The following ANKRD44 variants were observed in gnomAD, a reference collection of about 807,000 sequenced individuals.
ANKRD44 encodes ankyrin repeat domain 44, also known as serine/threonine-protein phosphatase 6 regulatory ankyrin repeat subunit B.
A neutral mutation model predicts 116.0 loss-of-function variants in ANKRD44; 35 were observed. That is an observed-to-expected ratio of 0.30 (90% CI 0.23 to 0.40). The LOEUF (loss-of-function observed/expected upper bound fraction) is 0.40. Among genes scored for constraint, ANKRD44 ranks in the 10% least tolerant of loss-of-function variants. ANKRD44 has a pLI of 1.00. For synonymous variants in ANKRD44, 435 were observed against 461.8 expected, an observed-to-expected ratio of 0.94 and a Z score of 0.74; for missense variants, 1,014 against 1,242.6, an observed-to-expected ratio of 0.82 and a Z score of 2.77.
intron 16 of ANKRD44, among the ~76,000 whole-genome samples, chr2:197,040,376 CTTT>C (rs56405646): frequency 4.9e-5 from 6 of 122,672 alleles, no homozygotes; most frequent in African/African-American, 9.2e-5. Flanking sequence ...GGAGGTAAGC[CTTT>C]TTTTTTTTTT....
At chr2:197,028,029 G>A (rs1324015375) in intron 16 of ANKRD44, among the ~76,000 whole-genome samples, 1 of 152,056 alleles carries the variant, frequency 6.6e-6, no homozygotes, top group East Asian at 1.9e-4. Flanking sequence ...GCAACATGAG[G>A]CCTGAGAACT....
chr2:197,179,282 CAT>C (rs755004226), intron 2 of ANKRD44, among the ~76,000 whole-genome samples: 1 of 152,174 alleles, frequency 6.6e-6, no homozygotes, highest in Non-Finnish European at 1.5e-5. Flanking sequence ...GCTAGTCTCA[CAT>C]GTTTATTCTT....
chr2:197,008,808 T>C (rs1379545818), intron 19 of ANKRD44, 136 bp downstream of exon 19: 9 of 707,978 alleles, frequency 1.3e-5, no homozygotes, highest in East Asian at 7.8e-5. Flanking sequence ...AGCCACCTCA[T>C]TGTGTATTGG....
chr2:197,275,081 C>A lies in ANKRD44; in HGVS notation c.27+35497G>T, dbSNP rs367547479. On this transcript the variant is annotated intron_variant, in intron 1 of 27. Transcript: ENST00000282272. ...CTGTGATTGTACCATGACACTCCAG[C>A]CTGGGTGACAGACTGGGACTTTGTC... Among the ~76,000 whole-genome samples, 104 of 151,946 alleles carry A rather than the reference C, an allele frequency of 6.8e-4. 1 individual carries two copies. In the South Asian group the frequency reaches 0.019, roughly 28 times the overall value.
chr2:197,207,775 G>A (rs1253666888), intron 1 of ANKRD44, among the ~76,000 whole-genome samples: 1 of 152,066 alleles, frequency 6.6e-6, no homozygotes, highest in African/African-American at 2.4e-5. Flanking sequence ...AGGAAATCAT[G>A]CCCCATATGG....
At position 197,007,239 on chromosome 2, in the gene ANKRD44, C is replaced by T. The variant is rs112754980; in HGVS notation, c.2130+567G>A. ...AGGTAATCATTGAAATAAACTATGA[C>T]ACTTGAACACAATGAGGCATTAAAA... On this transcript the variant is annotated intron_variant, in intron 20 of 27. Coordinates refer to ENST00000282272, the MANE Select transcript of ANKRD44 (RefSeq NM_001195144.2). Among the ~76,000 whole-genome samples, 5 of 152,036 alleles carry T rather than the reference C, an allele frequency of 3.3e-5. 1 individual carries two copies. Among genetic ancestry groups the T allele is most frequent in the African/African-American group, 1.2e-4 (5 of 41,466 alleles).
At chr2:197,142,682 G>T (rs2079395611) in intron 3 of ANKRD44, among the ~76,000 whole-genome samples, 1 of 152,098 alleles carries the variant, frequency 6.6e-6, no homozygotes, top group South Asian at 2.1e-4. Context: ...TCTTTCACCA[G>T]ATAAAAAATA....
At chr2:197,054,400 T>C (rs188028166) in intron 16 of ANKRD44, among the ~76,000 whole-genome samples, 1 of 152,056 alleles carries the variant, frequency 6.6e-6, no homozygotes, top group Non-Finnish European at 1.5e-5. Flanking sequence ...AAAAAAATCA[T>C]CAACTATTTT....
intron 1 of ANKRD44, among the ~76,000 whole-genome samples, chr2:197,193,936 AC>A (rs2080886506): frequency 6.6e-6 from 1 of 151,836 alleles, no homozygotes; most frequent in Non-Finnish European, 1.5e-5. Context: ...CATATGCAAC[AC>A]CCCCAGCACG....
intron 16 of ANKRD44, among the ~76,000 whole-genome samples, chr2:197,026,802 C>A (rs965153430): frequency 6.6e-6 from 1 of 151,950 alleles, no homozygotes; most frequent in African/African-American, 2.4e-5. Flanking sequence ...TGGCTTGGAC[C>A]AGCAAGAAGC....
intron 2 of ANKRD44, among the ~76,000 whole-genome samples, chr2:197,158,829 C>T (rs1026521751): frequency 1.3e-5 from 2 of 152,144 alleles, no homozygotes; most frequent in African/African-American, 2.4e-5. Flanking sequence ...CGCCAAGCAC[C>T]GTGCTCAGAC....
At chr2:197,068,285 G>A (rs867518610) in intron 16 of ANKRD44, among the ~76,000 whole-genome samples, 21 of 135,046 alleles carry the variant, frequency 1.6e-4, no homozygotes, top group African/African-American at 2.8e-4. Context: ...TGGGTGCAGC[G>A]CACCAGCATG....
At chr2:197,089,039 G>T (rs1475911373) in intron 11 of ANKRD44, among the ~76,000 whole-genome samples, 2 of 152,182 alleles carry the variant, frequency 1.3e-5, no homozygotes, top group Non-Finnish European at 2.9e-5. Flanking sequence ...TTAATCCCAG[G>T]ATAGAAATTT....
At chr2:197,213,023 C>T (rs376960251) in intron 1 of ANKRD44, among the ~76,000 whole-genome samples, 1 of 152,184 alleles carries the variant, frequency 6.6e-6, no homozygotes, top group African/African-American at 2.4e-5. Flanking sequence ...AACAGCAATG[C>T]GGCTCCAACT....
chr2:197,156,404 A>C (rs753470116), intron 2 of ANKRD44, among the ~76,000 whole-genome samples: 1 of 152,184 alleles, frequency 6.6e-6, no homozygotes, highest in Non-Finnish European at 1.5e-5. Flanking sequence ...AATTAAAGCC[A>C]TATTACATAC....
chr2:197,024,700 T>C (rs2076558334), intron 17 of ANKRD44, among the ~76,000 whole-genome samples: 1 of 152,162 alleles, frequency 6.6e-6, no homozygotes, highest in South Asian at 2.1e-4. Context: ...TTGAAGACCC[T>C]GATTTCAAGT....
At chr2:197,257,200 A>G (rs770160134) in intron 1 of ANKRD44, among the ~76,000 whole-genome samples, 2 of 152,220 alleles carry the variant, frequency 1.3e-5, no homozygotes, top group Non-Finnish European at 2.9e-5. Context: ...TTTATAGTAA[A>G]GGTGATTAGC....
chr2:197,070,734 A>C (rs1009148996), intron 16 of ANKRD44, among the ~76,000 whole-genome samples: 2 of 151,998 alleles, frequency 1.3e-5, no homozygotes, highest in Non-Finnish European at 2.9e-5. Flanking sequence ...TTGGTACTTA[A>C]TATCAAGGTA....
intron 1 of ANKRD44, among the ~76,000 whole-genome samples, chr2:197,265,577 G>T (rs914953965): frequency 6.6e-6 from 1 of 152,060 alleles, no homozygotes; most frequent in Non-Finnish European, 1.5e-5. Flanking sequence ...GAAGTTGTGG[G>T]CTACCTCTTT....
Sources: gnomAD v4.1 joint callset for allele counts (sites outside exome capture counted in the v4.1 genomes callset) on GRCh38, gnomAD v4.1.1 for gene constraint, MANE v1.5 for transcripts, NCBI Gene and HGNC (gene_info 2026-07-23, HGNC 2026-07-21) for gene names.